The following DEPDC5 variants were observed in gnomAD, a reference collection of about 807,000 sequenced individuals.
DEPDC5 encodes the protein GATOR1 complex protein DEPDC5.
DEPDC5 carries 73 observed loss-of-function variants against 217.3 expected under a neutral mutation model. The observed-to-expected ratio is 0.34, with a 90% confidence interval of 0.28 to 0.41. The LOEUF (loss-of-function observed/expected upper bound fraction) is 0.41, where lower values mean the gene tolerates loss of function less well. Among genes scored for constraint, DEPDC5 ranks in the 10% least tolerant of loss-of-function variants. DEPDC5 has a pLI of 1.00. For missense variants in DEPDC5, 1,675 were observed against 2,070.1 expected, an observed-to-expected ratio of 0.81 and a Z score of 3.70; for synonymous variants, 733 against 756.7, an observed-to-expected ratio of 0.97 and a Z score of 0.51.
chr22:31,885,535 CT>C (rs1201631511), intron 38 of DEPDC5, among the ~76,000 whole-genome samples: 13 of 151,476 alleles, frequency 8.6e-5, no homozygotes, highest in African/African-American at 2.9e-4. Flanking sequence ...GCCATCCTGG[CT>C]AACACAGTGA....
Position 31,904,729 on chromosome 22 carries a change from G to A in DEPDC5, c.4437-1255G>A, listed in dbSNP as rs2093726447. On this transcript the variant is annotated intron_variant, in intron 41 of 42. Coordinates refer to ENST00000651528, the MANE Select transcript of DEPDC5 (RefSeq NM_001242896.3). ...ACTGCAGTCCAGCCTGGATGACAGA[G>A]CAAGAGTAGAGAGGATTTTGCAAAG... Among the ~76,000 whole-genome samples the A allele has an allele frequency of 2.0e-5, 3 of 152,224 alleles. No individual in the cohort carries two copies. In the South Asian group the frequency reaches 6.2e-4, roughly 31 times the overall value.
chr22:31,774,236 C>T (rs1246516060), intron 7 of DEPDC5, among the ~76,000 whole-genome samples: 2 of 147,032 alleles, frequency 1.4e-5, no homozygotes, highest in Non-Finnish European at 1.5e-5. Flanking sequence ...GAGTCTCACT[C>T]TGTCACCTAG....
intron 38 of DEPDC5, among the ~76,000 whole-genome samples, chr22:31,888,240 G>GC (rs2093359908): frequency 1.5e-5 from 1 of 66,352 alleles, no homozygotes; most frequent in African/African-American, 6.4e-5. Context: ...TTTGTCTGTG[G>GC]TTTTTTTTTT....
At chr22:31,878,526 A>T (rs986597168) in intron 37 of DEPDC5, among the ~76,000 whole-genome samples, 1 of 150,852 alleles carries the variant, frequency 6.6e-6, no homozygotes, top group Non-Finnish European at 1.5e-5. Context: ...CAAGAAACAT[A>T]GCGAAACCCC....
chr22:31,772,669 G>A (rs1194581046), intron 7 of DEPDC5, among the ~76,000 whole-genome samples: 6 of 152,042 alleles, frequency 3.9e-5, no homozygotes, highest in Non-Finnish European at 7.4e-5. Context: ...GGAGATAGGC[G>A]AGAATTGGCT....
At position 31,812,626 on chromosome 22, in the gene DEPDC5, G is replaced by A. The variant is rs1262959512; in HGVS notation, c.1445+1985G>A. On this transcript the variant is annotated intron_variant, in intron 20 of 42. Transcript: ENST00000651528. ...TTTTTAGTAGAGACGGGGTTTCACC[G>A]TGTTAGCCAGGATGGTCTCGATCTC... Among the ~76,000 whole-genome samples the A allele has an allele frequency of 5.5e-5, 8 of 146,788 alleles. No homozygotes were observed. The East Asian group carries it at 6.3e-4, about 11-fold the overall frequency.
At chr22:31,824,857 T>A (rs1355653988) in intron 24 of DEPDC5, among the ~76,000 whole-genome samples, 1 of 151,518 alleles carries the variant, frequency 6.6e-6, no homozygotes, top group East Asian at 1.9e-4. Context: ...GCACCTGTAG[T>A]CCCAGCTACT....
At chr22:31,765,443 C>T (rs1023283674) in intron 5 of DEPDC5, among the ~76,000 whole-genome samples, 2 of 152,048 alleles carry the variant, frequency 1.3e-5, no homozygotes, top group African/African-American at 2.4e-5. Flanking sequence ...GCCTGCACCA[C>T]CGCACCCAGC....
intron 28 of DEPDC5, 37 bp downstream of exon 28, chr22:31,843,249 C>T (rs747173345): frequency 3.8e-5 from 60 of 1,582,606 alleles, no homozygotes; most frequent in Non-Finnish European, 5.2e-5. Context: ...CAGTTATTGT[C>T]CTGAATTATG....
At chr22:31,802,058 T>C (rs903629317) in intron 14 of DEPDC5, among the ~76,000 whole-genome samples, 8 of 147,642 alleles carry the variant, frequency 5.4e-5, no homozygotes, top group African/African-American at 2.0e-4. Context: ...ATATATAATA[T>C]ATAAAATAAT....
Position 31,754,935 on chromosome 22 carries a change from A to G in DEPDC5, c.14A>G (p.Lys5Arg), listed in dbSNP as rs372506941. 2.5e-6 allele frequency: 4 copies of G among 1,614,106 alleles called. No individual in the cohort carries two copies. The African/African-American group carries it at 5.3e-5, about 22-fold the overall frequency. The change falls in exon 2 of 43, where the codon AAG (lysine) becomes AGG (arginine). Residue 5 changes from lysine to arginine, a missense_variant. This residue lies in a region of DEPDC5 where 628 missense variants were observed against 762.1 expected (regional missense o/e 0.82). Coordinates refer to ENST00000651528, the MANE Select transcript of DEPDC5 (RefSeq NM_001242896.3). MRTT[K>R]VYKLVIHKKG... ...AAACAGTGCAAGATGAGAACAACAA[A>G]GGTCTACAAACTCGTCATCCACAAG... is the stretch of plus-strand genomic sequence containing the variant.
At chr22:31,770,927 C>G (rs9609362) in intron 7 of DEPDC5, among the ~76,000 whole-genome samples, 1 of 151,516 alleles carries the variant, frequency 6.6e-6, no homozygotes. Context: ...GAACTACAGG[C>G]ACGTGCCACC....
At chr22:31,797,438 C>G (rs1349720082) in intron 12 of DEPDC5, among the ~76,000 whole-genome samples, 162 bp from the exon 13 acceptor site, 3 of 152,068 alleles carry the variant, frequency 2.0e-5, no homozygotes, top group Non-Finnish European at 4.4e-5. Flanking sequence ...CTCACTATCA[C>G]AAGAACAGCA....
chr22:31,810,307 C>T (rs890080923), intron 19 of DEPDC5, among the ~76,000 whole-genome samples: 1 of 152,092 alleles, frequency 6.6e-6, no homozygotes, highest in Non-Finnish European at 1.5e-5. Flanking sequence ...TTGACATATA[C>T]GTCATTTAGT....
chr22:31,844,913 T>C (rs1602365446), intron 29 of DEPDC5, 105 bp from the exon 30 acceptor site: 1 of 1,143,224 alleles, frequency 8.7e-7, no homozygotes, highest in East Asian at 2.4e-5. Context: ...CACATACTCA[T>C]GGGGAGATGG....
chr22:31,794,595 A>T (rs541260604), intron 12 of DEPDC5, among the ~76,000 whole-genome samples: 6 of 152,132 alleles, frequency 3.9e-5, no homozygotes, highest in Admixed American at 1.3e-4. Context: ...TAGGAAAATC[A>T]CAAAATAGGC....
intron 37 of DEPDC5, among the ~76,000 whole-genome samples, chr22:31,878,498 G>A (rs2093067404): frequency 6.6e-6 from 1 of 151,054 alleles, no homozygotes; most frequent in Non-Finnish European, 1.5e-5. Context: ...GAGGCCAGGA[G>A]TTTAAGATCA....
intron 20 of DEPDC5, among the ~76,000 whole-genome samples, chr22:31,811,478 G>A (rs1223129091): frequency 6.6e-6 from 1 of 151,988 alleles, no homozygotes; most frequent in Admixed American, 6.6e-5. Context: ...ATTATTCTGA[G>A]TGGGCATGAA....
chr22:31,859,108 T>TTTTGGC (rs2092419302), intron 32 of DEPDC5: 1 of 135,276 alleles, frequency 7.4e-6, no homozygotes, highest in African/African-American at 3.0e-5. Flanking sequence ...TTTTTTTTTT[T>TTTTGGC]GAGACGGAGT....
Sources: gnomAD v4.1 joint callset for allele counts (sites outside exome capture counted in the v4.1 genomes callset) on GRCh38, gnomAD v4.1.1 for gene constraint, gnomAD v4.1.1 regional missense constraint, MANE v1.5 for transcripts, NCBI Gene and HGNC (gene_info 2026-07-23, HGNC 2026-07-21) for gene names.